Variants in SATB2 observed in about 807,000 individuals in gnomAD.
The protein encoded by SATB2 is SATB homeobox 2.
In SATB2, 1 loss-of-function variant was observed where a neutral mutation model predicts 73.4. That is an observed-to-expected ratio of 0.01 (90% CI 0.00 to 0.06). The LOEUF (loss-of-function observed/expected upper bound fraction) is 0.06. SATB2 is among the 10% of genes least tolerant of loss of function. SATB2 has a pLI of 1.00. For synonymous variants in SATB2, 397 were observed against 367.0 expected (o/e 1.08, Z -0.93); for missense variants, 459 against 945.8 (o/e 0.49, Z 6.75).
In SATB2 at chr2:199,414,835, C is replaced by T. The variant is rs1347393155; in HGVS notation, c.346+18503G>A. Among the ~76,000 whole-genome samples the T allele has an allele frequency of 9.9e-5, 15 of 152,266 alleles. No homozygotes were observed. In the South Asian group the frequency reaches 2.9e-3, roughly 29 times the overall value. ...AACAACGACTGGGAGCAAGGTCTCA[C>T]TGGGATCTGACTGCAACACTTGTCC... On this transcript the variant is annotated intron_variant, in intron 3 of 10. Coordinates refer to ENST00000417098, the MANE Select transcript of SATB2 (RefSeq NM_001172509.2).
chr2:199,431,711 G>T (rs1034669672), intron 3 of SATB2, among the ~76,000 whole-genome samples: 1 of 152,108 alleles, frequency 6.6e-6, no homozygotes, highest in African/African-American at 2.4e-5. Flanking sequence ...TTTCCTGAGA[G>T]CCCCTTCCCT....
intron 3 of SATB2, among the ~76,000 whole-genome samples, chr2:199,415,622 T>C (rs1690954841): frequency 6.6e-6 from 1 of 152,234 alleles, no homozygotes; most frequent in South Asian, 2.1e-4. Flanking sequence ...GAAAAGTGAA[T>C]ACTTCATTCA....
At chr2:199,468,099 C>T (rs1692628309), upstream of SATB2, 1 of 149,612 alleles carries the variant, frequency 6.7e-6, no homozygotes, top group East Asian at 1.9e-4. Flanking sequence ...ATCCAAGGCA[C>T]TTGAAACATT....
At chr2:199,469,349 G>T (rs1007816278), upstream of SATB2, among the ~76,000 whole-genome samples, 1 of 152,088 alleles carries the variant, frequency 6.6e-6, no homozygotes, top group African/African-American at 2.4e-5. Context: ...CGTCGTCTGC[G>T]GGAAGTAAAC....
intron 2 of SATB2, among the ~76,000 whole-genome samples, chr2:199,451,550 G>C (rs944593962): frequency 5.3e-5 from 8 of 151,606 alleles, no homozygotes; most frequent in African/African-American, 1.5e-4. Context: ...CTTGGGAATG[G>C]AGTTTTCTCC....
intron 2 of SATB2, among the ~76,000 whole-genome samples, chr2:199,446,206 T>C (rs1342066897): frequency 2.0e-5 from 3 of 152,204 alleles, no homozygotes; most frequent in South Asian, 4.1e-4. Context: ...AAGTTTCAAC[T>C]GTCATGCAAA....
chr2:199,366,438 C>T (rs1016125627), intron 6 of SATB2, among the ~76,000 whole-genome samples: 1 of 152,054 alleles, frequency 6.6e-6, no homozygotes, highest in African/African-American at 2.4e-5. Context: ...CAACACTTCC[C>T]TTTTTCTGAG....
chr2:199,420,493 C>T (rs1691131984), intron 3 of SATB2, among the ~76,000 whole-genome samples: 1 of 152,108 alleles, frequency 6.6e-6, no homozygotes, highest in South Asian at 2.1e-4. Context: ...GACAATGTGG[C>T]CAGCATCCCT....
At chr2:199,336,586 C>A (rs893977328) in intron 7 of SATB2, among the ~76,000 whole-genome samples, 1 of 152,142 alleles carries the variant, frequency 6.6e-6, no homozygotes, top group African/African-American at 2.4e-5. Context: ...GAAACAGTTA[C>A]AAAATATTAT....
chr2:199,385,048 C>T (rs1485487712), intron 3 of SATB2, among the ~76,000 whole-genome samples: 1 of 152,190 alleles, frequency 6.6e-6, no homozygotes. Flanking sequence ...CCCACCACTT[C>T]CCCATTCATT....
chr2:199,308,624 T>C lies in SATB2; in HGVS notation c.1740+136A>G, dbSNP rs1687505538. The C allele has an allele frequency of 1.4e-6, 1 of 719,710 alleles. No individual in the cohort carries two copies. Among genetic ancestry groups the C allele is most frequent in the Non-Finnish European group, 2.4e-6 (1 of 408,992 alleles). 44.6% of individuals were successfully genotyped at this position (719,710 alleles called of 1,614,324 possible). On this transcript the variant is annotated intron_variant, in intron 10 of 10. Coordinates refer to ENST00000417098, the MANE Select transcript of SATB2 (RefSeq NM_001172509.2). The surrounding 1 kb of genome is among the most constrained non-coding windows in gnomAD (Gnocchi z 4.6). Reference sequence around the variant, plus strand: ...CACAGTACCCACTGTGACGACAGCGTCTTCTGTACTTGGGGACCTGGCATG... The same window carrying C: ...CACAGTACCCACTGTGACGACAGCGCCTTCTGTACTTGGGGACCTGGCATG...
At chr2:199,438,672 C>G (rs1574630232) in intron 2 of SATB2, among the ~76,000 whole-genome samples, 2 of 152,226 alleles carry the variant, frequency 1.3e-5, no homozygotes, top group Non-Finnish European at 1.5e-5. Flanking sequence ...GATGGTGCAG[C>G]TGCAGCAGGG....
intron 10 of SATB2, among the ~76,000 whole-genome samples, chr2:199,305,801 C>A (rs1240425099): frequency 6.6e-6 from 1 of 151,990 alleles, no homozygotes; most frequent in Non-Finnish European, 1.5e-5. Flanking sequence ...ATATCTTTAC[C>A]ATATATGAAA....
At chr2:199,368,469 C>A (rs1466990568) in intron 6 of SATB2, 136 bp downstream of exon 6, 1 of 661,072 alleles carries the variant, frequency 1.5e-6, no homozygotes, top group South Asian at 1.7e-5. Flanking sequence ...GATCTCATGA[C>A]AGGAATATTA....
intron 6 of SATB2, among the ~76,000 whole-genome samples, chr2:199,359,817 C>T (rs1367793961): frequency 6.6e-6 from 1 of 152,000 alleles, no homozygotes; most frequent in Admixed American, 6.6e-5. Flanking sequence ...AAGGTGATAC[C>T]CTGAAAGGCC....
At chr2:199,433,745 T>C (rs1574625626) in intron 2 of SATB2, among the ~76,000 whole-genome samples, 1 of 152,210 alleles carries the variant, frequency 6.6e-6, no homozygotes, top group South Asian at 2.1e-4. Context: ...CCCGTCATTT[T>C]CACCAATTAG....
chr2:199,396,602 G>A (rs1690308900), intron 3 of SATB2: 1 of 152,200 alleles, frequency 6.6e-6, no homozygotes. Context: ...GGAGCCAAGT[G>A]AGGATGGAGG....
intron 3 of SATB2, among the ~76,000 whole-genome samples, chr2:199,413,117 AT>A (rs1473842141): frequency 6.6e-6 from 1 of 152,178 alleles, no homozygotes; most frequent in Non-Finnish European, 1.5e-5. Flanking sequence ...AGGAGAAAAC[AT>A]TTTTTAATAA....
chr2:199,453,952 T>C (rs1052506330), intron 2 of SATB2, among the ~76,000 whole-genome samples: 10 of 152,074 alleles, frequency 6.6e-5, no homozygotes, highest in African/African-American at 2.4e-4. Flanking sequence ...ACCTCTGCTA[T>C]TACTAAATTA....
Sources: gnomAD v4.1 joint callset for allele counts (sites outside exome capture counted in the v4.1 genomes callset) on GRCh38, gnomAD v4.1.1 for gene constraint, Gnocchi (gnomAD v3.1) non-coding constraint, MANE v1.5 for transcripts, NCBI Gene and HGNC (gene_info 2026-07-23, HGNC 2026-07-21) for gene names.